Variants in CFAP43 observed in about 807,000 individuals in gnomAD.
The protein encoded by CFAP43 is cilia- and flagella-associated protein 43.
CFAP43 carries 155 observed loss-of-function variants against 218.9 expected under a neutral mutation model. That is an observed-to-expected ratio of 0.71 (90% CI 0.62 to 0.81). The LOEUF (loss-of-function observed/expected upper bound fraction) is 0.81. Ranked by LOEUF, CFAP43 falls within the 30% of genes least tolerant of loss-of-function variation. The probability of loss-of-function intolerance (pLI) is 0.00; values close to 1 mark genes in which losing one functional copy is unlikely to be tolerated. For synonymous variants in CFAP43, 645 were observed against 681.3 expected (o/e 0.95, Z 0.83); for missense variants, 1,778 against 1,954.3 (o/e 0.91, Z 1.70).
intron 34 of CFAP43, among the ~76,000 whole-genome samples, chr10:104,134,124 G>A (rs1038087524): frequency 6.6e-6 from 1 of 152,206 alleles, no homozygotes; most frequent in Non-Finnish European, 1.5e-5. Context: ...GATGCTGGGT[G>A]TGGTGTCTCA....
Position 104,168,038 on chromosome 10 carries a change from T to TC in CFAP43, c.2692-302_2692-301insG, listed in dbSNP as rs1452701419. ...CTTTGCCCCCAAGACATTTGGCAAC[T>TC]TTTTTTTATTGTAATTACTGGAGGC... On this transcript the variant is annotated intron_variant, in intron 21 of 37. Coordinates refer to ENST00000357060, the MANE Select transcript of CFAP43 (RefSeq NM_025145.7). 1.1e-4 allele frequency among the ~76,000 whole-genome samples: 16 copies of TC among 152,134 alleles called. No homozygotes were observed. The East Asian group carries it at 3.1e-3, about 29-fold the overall frequency.
intron 34 of CFAP43, among the ~76,000 whole-genome samples, chr10:104,138,903 T>C (rs1210692366): frequency 1.3e-5 from 2 of 152,218 alleles, no homozygotes; most frequent in African/African-American, 4.8e-5. Context: ...GAGAATTCTC[T>C]GTACTATCTT....
At chr10:104,193,544 T>C (rs2090292689) in intron 11 of CFAP43, 1 of 213,202 alleles carries the variant, frequency 4.7e-6, no homozygotes, top group Admixed American at 5.3e-5. Flanking sequence ...ACAGCAGAAG[T>C]GCCTGGCACA....
At chr10:104,217,114 G>A (rs770334297) in intron 3 of CFAP43, among the ~76,000 whole-genome samples, 12 of 152,124 alleles carry the variant, frequency 7.9e-5, no homozygotes, top group Non-Finnish European at 1.2e-4. Flanking sequence ...TGTGGCAAGG[G>A]CATGTGTCCC....
chr10:104,157,853 A>G (rs1451326100), intron 27 of CFAP43, among the ~76,000 whole-genome samples: 1 of 151,518 alleles, frequency 6.6e-6, no homozygotes, highest in East Asian at 1.9e-4. Flanking sequence ...TGGTATCCAG[A>G]TCTTGGTCTC....
intron 3 of CFAP43, among the ~76,000 whole-genome samples, chr10:104,223,763 G>A (rs1024792528): frequency 2.0e-5 from 3 of 152,150 alleles, no homozygotes; most frequent in Non-Finnish European, 4.4e-5. Flanking sequence ...AGAAGCCCTA[G>A]CAAGCTAATA....
intron 2 of CFAP43, among the ~76,000 whole-genome samples, chr10:104,226,738 G>A (rs562028753): frequency 6.6e-6 from 1 of 152,132 alleles, no homozygotes; most frequent in East Asian, 1.9e-4. Context: ...TTATATATGA[G>A]GCCGGGCGAG....
Position 104,166,643 on chromosome 10 carries a change from C to G in CFAP43, c.2884G>C (p.Glu962Gln). 6.2e-7 allele frequency: 1 copy of G among 1,614,144 alleles called. No individual in the cohort carries two copies. The highest frequency in any genetic ancestry group is 8.5e-7 in the Non-Finnish European group (1 of 1,180,020). ...KQRHEEDDEE[E>Q]EEEDKTVKYS... ...TTTACTGTCTTGTCTTCCTCTTCCT[C>G]TTCTTCATCATCCTCTTCATGACGC... The change falls in exon 23 of 38, where the codon GAG (glutamate) becomes CAG (glutamine). Residue 962 changes from glutamate to glutamine, a missense_variant. By Grantham distance (29) the Glu-to-Gln change is conservative. Coordinates refer to ENST00000357060, the MANE Select transcript of CFAP43 (RefSeq NM_025145.7).
intron 24 of CFAP43, among the ~76,000 whole-genome samples, chr10:104,163,823 A>T (rs1179923736): frequency 6.6e-6 from 1 of 152,244 alleles, no homozygotes; most frequent in Non-Finnish European, 1.5e-5. Flanking sequence ...GAACTAAGAG[A>T]TGAAGATAGA....
intron 19 of CFAP43, among the ~76,000 whole-genome samples, chr10:104,174,227 T>C (rs1443464045): frequency 3.3e-5 from 5 of 152,238 alleles, no homozygotes; most frequent in African/African-American, 1.2e-4. Flanking sequence ...TCTGTTTTCA[T>C]GCAGCTGAAA....
intron 34 of CFAP43, among the ~76,000 whole-genome samples, chr10:104,136,044 G>C (rs191880895): frequency 2.7e-3 from 415 of 152,128 alleles, no homozygotes; most frequent in Middle Eastern, 0.017. Context: ...GAGGTCAGGA[G>C]TTTGAGACCA....
intron 17 of CFAP43, among the ~76,000 whole-genome samples, chr10:104,181,754 G>T (rs1400629313): frequency 6.6e-6 from 1 of 152,092 alleles, no homozygotes; most frequent in Non-Finnish European, 1.5e-5. Context: ...TTTTAATTCA[G>T]ATCTCAGCTT....
At chr10:104,219,635 GC>G (rs1200153703) in intron 3 of CFAP43, among the ~76,000 whole-genome samples, 3 of 152,060 alleles carry the variant, frequency 2.0e-5, no homozygotes, top group Non-Finnish European at 2.9e-5. Context: ...AGGCTAAAGT[GC>G]CCTGCATTCA....
Position 104,172,524 on chromosome 10 carries a change from C to T in CFAP43, c.2472G>A (p.Met824Ile), listed in dbSNP as rs754496679. 1.7e-5 allele frequency: 27 copies of T among 1,600,100 alleles called. No homozygotes were observed. The highest frequency in any genetic ancestry group is 1.8e-5 in the Non-Finnish European group (21 of 1,175,682). Residue 824 changes from methionine to isoleucine, a missense_variant, in exon 20 of 38, where the codon ATG (methionine) becomes ATA (isoleucine). Physicochemically the swap from Met to Ile is conservative, Grantham distance 10 (BLOSUM62 1). This residue lies in a region of CFAP43 where 1,553 missense variants were observed against 1,685.2 expected (regional missense o/e 0.92). Coordinates refer to ENST00000357060, the MANE Select transcript of CFAP43 (RefSeq NM_025145.7). ...TTTCTAGTTTGTCATTTTCTTCCAT[C>T]ATATTCAGAATCTGAATGTTGAAAT... The part of the protein sequence containing the change: ...IKSLSKTILN[M>I]MEENDKLENI...
chr10:104,229,836 A>G (rs2091402748), intron 2 of CFAP43, among the ~76,000 whole-genome samples: 1 of 152,144 alleles, frequency 6.6e-6, no homozygotes, highest in Non-Finnish European at 1.5e-5. Context: ...AGGCTCAGAG[A>G]CTTGACTTTA....
intron 6 of CFAP43, among the ~76,000 whole-genome samples, chr10:104,207,125 A>G (rs563361344): frequency 6.6e-6 from 1 of 152,138 alleles, no homozygotes; most frequent in Non-Finnish European, 1.5e-5. Context: ...GTGAGCCAAG[A>G]TTGCACCACT....
intron 12 of CFAP43, among the ~76,000 whole-genome samples, chr10:104,191,947 T>C (rs2090237996): frequency 1.3e-5 from 2 of 152,166 alleles, no homozygotes; most frequent in Non-Finnish European, 2.9e-5. Context: ...ATTTCATTAA[T>C]GTATTTAATA....
intron 6 of CFAP43, 29 bp downstream of exon 6, chr10:104,207,636 C>G: frequency 6.3e-7 from 1 of 1,593,438 alleles, no homozygotes; most frequent in Non-Finnish European, 8.5e-7. Flanking sequence ...CATGGCTATA[C>G]AGGAATATGA....
chr10:104,168,919 A>T, intron 20 of CFAP43, 71 bp from the exon 21 acceptor site: 1 of 1,270,692 alleles, frequency 7.9e-7, no homozygotes, highest in Non-Finnish European at 1.1e-6. Flanking sequence ...TCTCCATTGT[A>T]AACTCACTAA....
Sources: allele counts gnomAD v4.1 joint callset (sites outside exome capture counted in the v4.1 genomes callset), GRCh38; gene constraint gnomAD v4.1.1; regional missense constraint gnomAD v4.1.1; transcripts MANE v1.5; gene names NCBI Gene and HGNC (gene_info 2026-07-23, HGNC 2026-07-21).